Variants in RBFOX1 observed in about 807,000 individuals in gnomAD.
The protein encoded by RBFOX1 is RNA binding fox-1 homolog 1, also known as RNA binding protein fox-1 homolog 1.
A neutral mutation model predicts 57.7 loss-of-function variants in RBFOX1; 8 were observed. That is an observed-to-expected ratio of 0.14 (90% CI 0.08 to 0.25). The LOEUF is 0.25. Ranked by LOEUF, RBFOX1 falls within the 10% of genes least tolerant of loss-of-function variation. The pLI is 1.00. For synonymous variants in RBFOX1, 326 were observed against 222.4 expected, an observed-to-expected ratio of 1.47 and a Z score of -4.15; for missense variants, 611 against 548.5, an observed-to-expected ratio of 1.11 and a Z score of -1.14.
chr16:6,479,835 A>G (rs1321341166), intron 2 of RBFOX1, among the ~76,000 whole-genome samples: 1 of 152,026 alleles, frequency 6.6e-6, no homozygotes, highest in African/African-American at 2.4e-5. Flanking sequence ...AGATCATTTG[A>G]GGTCAGGAGC....
At chr16:7,052,728 T>G (rs2153731387) in intron 4 of RBFOX1, among the ~76,000 whole-genome samples, 1 of 152,294 alleles carries the variant, frequency 6.6e-6, no homozygotes, top group East Asian at 1.9e-4. Flanking sequence ...TTGGTGACAT[T>G]GTTCTGCTTT....
chr16:7,156,321 C>T (rs1215982859), intron 4 of RBFOX1, among the ~76,000 whole-genome samples: 1 of 148,724 alleles, frequency 6.7e-6, no homozygotes, highest in Non-Finnish European at 1.5e-5. Context: ...CATATATAGA[C>T]TTGCAGCATA....
At chr16:6,110,745 C>G (rs1056059625) in intron 1 of RBFOX1, among the ~76,000 whole-genome samples, 1 of 152,082 alleles carries the variant, frequency 6.6e-6, no homozygotes, top group African/African-American at 2.4e-5. Context: ...TTTTGCCCCC[C>G]GCCAGAGGAC....
intron 3 of RBFOX1, among the ~76,000 whole-genome samples, chr16:6,899,255 A>G (rs1429339127): frequency 6.6e-6 from 1 of 151,944 alleles, no homozygotes; most frequent in African/African-American, 2.4e-5. Context: ...GTTTGCGTGC[A>G]TGTGTGTATA....
intron 3 of RBFOX1, among the ~76,000 whole-genome samples, chr16:6,959,211 CT>C (rs1347184880): frequency 3.9e-5 from 6 of 152,158 alleles, no homozygotes; most frequent in Admixed American, 3.9e-4. Context: ...TCAGATTGTA[CT>C]TAAAAAGTAC....
intron 4 of RBFOX1, among the ~76,000 whole-genome samples, chr16:6,001,175 A>G (rs954404696): frequency 3.9e-4 from 59 of 152,354 alleles, no homozygotes; most frequent in African/African-American, 1.4e-3. Flanking sequence ...TATTTGACCA[A>G]CTGGAGAATC....
intron 2 of RBFOX1, among the ~76,000 whole-genome samples, chr16:5,583,343 A>G (rs562310987): frequency 6.6e-6 from 1 of 152,198 alleles, no homozygotes; most frequent in Non-Finnish European, 1.5e-5. Flanking sequence ...ACTTAATAGT[A>G]TGTATCTGTA....
At chr16:6,257,519 C>G (rs910805875) in intron 1 of RBFOX1, among the ~76,000 whole-genome samples, 1 of 151,924 alleles carries the variant, frequency 6.6e-6, no homozygotes, top group Non-Finnish European at 1.5e-5. Context: ...GATTTTGTTG[C>G]CCAGGTTTAA....
intron 1 of RBFOX1, among the ~76,000 whole-genome samples, chr16:6,227,240 G>A (rs1258035105): frequency 1.3e-5 from 2 of 152,146 alleles, no homozygotes; most frequent in Non-Finnish European, 2.9e-5. Flanking sequence ...TTCCCTGGAG[G>A]CCCTCTTAAA....
At chr16:7,176,797 T>C (rs2081750903) in intron 4 of RBFOX1, among the ~76,000 whole-genome samples, 1 of 152,192 alleles carries the variant, frequency 6.6e-6, no homozygotes, top group Non-Finnish European at 1.5e-5. Flanking sequence ...TACTTACCTA[T>C]ACACATATGC....
At chr16:7,227,253 C>T (rs1206238200) in intron 4 of RBFOX1, among the ~76,000 whole-genome samples, 2 of 150,844 alleles carry the variant, frequency 1.3e-5, no homozygotes, top group African/African-American at 2.4e-5. Flanking sequence ...ATATCTCTCT[C>T]TGTTCTCACT....
rs1371828136 is a variant in RBFOX1 at position 6,709,399 on chromosome 16, G to C, written c.-16+54749G>C. 2.6e-5 allele frequency among the ~76,000 whole-genome samples: 4 copies of C among 152,144 alleles called. No individual in the cohort carries two copies. The East Asian group carries it at 7.7e-4, about 29-fold the overall frequency. Reference sequence around the variant, plus strand: ...ATGCATCACTTGTTATTCTGTGGAAGAATTTGCATTATGGGGTTTAAAAAA... The same window carrying C: ...ATGCATCACTTGTTATTCTGTGGAACAATTTGCATTATGGGGTTTAAAAAA... On this transcript the variant is annotated intron_variant, in intron 3 of 15. Coordinates refer to ENST00000550418, the MANE Select transcript of RBFOX1 (RefSeq NM_018723.4).
At chr16:6,846,201 A>G (rs1021116885) in intron 3 of RBFOX1, among the ~76,000 whole-genome samples, 3 of 152,194 alleles carry the variant, frequency 2.0e-5, no homozygotes, top group Non-Finnish European at 4.4e-5. Flanking sequence ...AAGACTGAGG[A>G]CTTGGGAAGG....
At chr16:6,287,764 T>C (rs1485077512) in intron 1 of RBFOX1, among the ~76,000 whole-genome samples, 1 of 152,138 alleles carries the variant, frequency 6.6e-6, no homozygotes, top group Non-Finnish European at 1.5e-5. Context: ...TTTATCGTCA[T>C]CTGATTGTCT....
At chr16:5,446,205 C>T (rs984967360) in intron 1 of RBFOX1, among the ~76,000 whole-genome samples, 23 of 151,824 alleles carry the variant, frequency 1.5e-4, no homozygotes, top group African/African-American at 5.3e-4. Flanking sequence ...GAAACTGACA[C>T]CCACATGGAG....
chr16:7,085,331 C>A (rs1361003773), intron 4 of RBFOX1, among the ~76,000 whole-genome samples: 2 of 152,062 alleles, frequency 1.3e-5, no homozygotes, highest in Non-Finnish European at 1.5e-5. Context: ...AAATGTAGAC[C>A]TTACCTTGCT....
At chr16:5,990,178 G>A (rs1048079030) in intron 4 of RBFOX1, among the ~76,000 whole-genome samples, 3 of 152,162 alleles carry the variant, frequency 2.0e-5, no homozygotes, top group African/African-American at 7.2e-5. Context: ...TGTGGAGATA[G>A]GGTCTCACTT....
At chr16:5,714,209 T>C (rs1396215683) in intron 3 of RBFOX1, among the ~76,000 whole-genome samples, 1 of 152,224 alleles carries the variant, frequency 6.6e-6, no homozygotes, top group Non-Finnish European at 1.5e-5. Flanking sequence ...CCATGAGGGC[T>C]TGTTGTGCTC....
chr16:7,410,986 C>A (rs1281564387), intron 4 of RBFOX1, among the ~76,000 whole-genome samples: 2 of 151,994 alleles, frequency 1.3e-5, no homozygotes, highest in African/African-American at 4.8e-5. Flanking sequence ...CACTCTGTCA[C>A]CCAGGTTGGA....
Sources: gnomAD v4.1 joint callset for allele counts (sites outside exome capture counted in the v4.1 genomes callset) on GRCh38, gnomAD v4.1.1 for gene constraint, MANE v1.5 for transcripts, NCBI Gene and HGNC (gene_info 2026-07-23, HGNC 2026-07-21) for gene names.